Variants in TBCB observed in about 807,000 individuals in gnomAD.
The protein encoded by TBCB is tubulin folding cofactor B.
In TBCB, 18 loss-of-function variants were observed where a neutral mutation model predicts 29.2. That is an observed-to-expected ratio of 0.62 (90% confidence interval 0.43 to 0.91). The LOEUF (loss-of-function observed/expected upper bound fraction) is 0.91. TBCB is among the 40% of genes least tolerant of loss of function. TBCB has a pLI of 0.00. For missense variants in TBCB, 336 were observed against 337.6 expected (o/e 1.00, Z 0.04); for synonymous variants, 172 against 137.8 (o/e 1.25, Z -1.74).
intron 4 of TBCB, among the ~76,000 whole-genome samples, chr19:36,124,975 T>C (rs180995760): frequency 2.6e-5 from 4 of 151,016 alleles, no homozygotes; most frequent in Non-Finnish European, 4.4e-5. Flanking sequence ...TTGAGTTCCT[T>C]GTATATTCTT....
At position 36,121,654 on chromosome 19, in the gene TBCB, G is replaced by A. The variant is rs949428852; in HGVS notation, c.483G>A (p.Val161=). 15 of 1,562,742 alleles carry A rather than the reference G, an allele frequency of 9.6e-6. No individual in the cohort carries two copies. Among genetic ancestry groups the A allele is most frequent in the Non-Finnish European group, 1.3e-5 (15 of 1,155,128 alleles). ...EEKAQASSIP[V]GSRCEVRAAG... ...AGGCCCAGGCCAGCTCCATCCCCGT[G>A]GGCAGCCGCTGTGAGGTGCGGGCGG... is the stretch of plus-strand genomic sequence containing the variant. The change falls in exon 4 of 6, where the codon GTG becomes GTA. Residue 161 remains valine, a synonymous_variant. Coordinates refer to ENST00000221855, the MANE Select transcript of TBCB (RefSeq NM_001281.3).
chr19:36,123,257 T>C (rs918577763), intron 4 of TBCB, among the ~76,000 whole-genome samples: 17 of 103,614 alleles, frequency 1.6e-4, no homozygotes, highest in African/African-American at 3.4e-4. Flanking sequence ...CCTTCTTCTT[T>C]TTTTTTTTTT....
chr19:36,116,380 C>A, intron 2 of TBCB, 196 bp downstream of exon 2: 1 of 635,618 alleles, frequency 1.6e-6, no homozygotes, highest in Non-Finnish European at 2.5e-6. Context: ...ATCAGGAAAT[C>A]CCAGGGGACT....
At chr19:36,121,793 C>A in intron 4 of TBCB, 75 bp downstream of exon 4, 1 of 1,526,238 alleles carries the variant, frequency 6.6e-7, no homozygotes, top group Non-Finnish European at 8.9e-7. Flanking sequence ...CACAGTGGAG[C>A]CTCGGAGACC....
At chr19:36,124,298 G>A (rs1252006156) in intron 4 of TBCB, among the ~76,000 whole-genome samples, 4 of 152,110 alleles carry the variant, frequency 2.6e-5, no homozygotes, top group Non-Finnish European at 5.9e-5. Context: ...TCAGCTCACT[G>A]CATCCTCTGC....
At chr19:36,116,438 G>A in intron 2 of TBCB, 1 of 421,102 alleles carries the variant, frequency 2.4e-6, no homozygotes, top group Non-Finnish European at 4.3e-6. Context: ...GAATCAGAGA[G>A]GGCTTCCTGG....
rs764140794 is a variant in TBCB, at chr19:36,121,684, A to G, written c.513A>G (p.Gly171=). 6.4e-7 allele frequency: 1 copy of G among 1,559,178 alleles called. No homozygotes were observed. The highest frequency in any genetic ancestry group is 1.9e-5 in the Admixed American group (1 of 52,688). The part of the protein sequence containing the change: ...VGSRCEVRAA[G]QSPRRGTVMY... ...GCCGCTGTGAGGTGCGGGCGGCGGG[A>G]CAATCCCCTCGCCGGGGCACCGTCA... The change falls in exon 4 of 6, where the codon GGA becomes GGG. Residue 171 remains glycine, a synonymous_variant. Transcript: ENST00000221855.
chr19:36,122,085 C>T (rs1974064845), intron 4 of TBCB: 2 of 327,120 alleles, frequency 6.1e-6, no homozygotes, highest in Non-Finnish European at 1.2e-5. Flanking sequence ...AGAGGAAGCA[C>T]CTGGAGGCTG....
intron 4 of TBCB, among the ~76,000 whole-genome samples, chr19:36,123,346 A>C (rs1445247831): frequency 1.4e-5 from 2 of 147,730 alleles, no homozygotes; most frequent in African/African-American, 5.1e-5. Context: ...TTTCAGCCTT[A>C]ACCTCTTGGG....
In TBCB at chr19:36,120,344, C is replaced by T. The variant is rs1185387033; in HGVS notation, c.259-366C>T. On this transcript the variant is annotated intron_variant, in intron 2 of 5. Coordinates refer to ENST00000221855, the MANE Select transcript of TBCB (RefSeq NM_001281.3). The stretch of plus-strand genomic sequence containing the variant: ...ATGCTCTGGGGCCTGAGGTTGGGGC[C>T]AGCTTAGGAGAGTCCCAGAGGCCCA... 6 of 207,688 alleles carry T rather than the reference C, an allele frequency of 2.9e-5. No individual in the cohort carries two copies. The East Asian group carries it at 7.2e-4, about 25-fold the overall frequency. 12.9% of individuals were successfully genotyped at this position (207,688 alleles called of 1,614,324 possible).
upstream of TBCB, chr19:36,115,446 C>A: frequency 1.3e-6 from 1 of 766,336 alleles, no homozygotes; most frequent in Non-Finnish European, 2.1e-6. Context: ...GCGGATTGGT[C>A]AGGCACGGAG....
intron 4 of TBCB, among the ~76,000 whole-genome samples, chr19:36,122,968 C>T (rs527462711): frequency 2.0e-5 from 3 of 152,220 alleles, no homozygotes; most frequent in Admixed American, 2.0e-4. Flanking sequence ...GTGTACCCAT[C>T]CCCCAGTCGT....
chr19:36,122,944 G>A (rs924525673), intron 4 of TBCB, among the ~76,000 whole-genome samples: 6 of 152,144 alleles, frequency 3.9e-5, no homozygotes, highest in South Asian at 2.1e-4. Context: ...TGGTATTTCC[G>A]TCTTTATGCC....
intron 4 of TBCB, 91 bp downstream of exon 4, chr19:36,121,809 C>T (rs1780237590): frequency 1.3e-6 from 2 of 1,496,242 alleles, no homozygotes; most frequent in South Asian, 2.4e-5. Flanking sequence ...AGACCACGCT[C>T]TGCCTAGGGG....
At chr19:36,117,059 C>T (rs1270956292) in intron 2 of TBCB, among the ~76,000 whole-genome samples, 1 of 152,208 alleles carries the variant, frequency 6.6e-6, no homozygotes, top group East Asian at 1.9e-4. Flanking sequence ...CTCACCCTTC[C>T]TTCCTGTCTT....
chr19:36,115,986 G>A (rs1973945036), intron 1 of TBCB, 55 bp from the exon 2 acceptor site: 1 of 1,586,688 alleles, frequency 6.3e-7, no homozygotes, highest in South Asian at 1.1e-5. Context: ...GGTCATTGAT[G>A]CAAGGGGCGG....
At chr19:36,125,408 T>C in intron 4 of TBCB, 43 bp from the exon 5 acceptor site, 2 of 1,605,854 alleles carry the variant, frequency 1.2e-6, no homozygotes, top group Non-Finnish European at 1.7e-6. Context: ...GGGGATTTCT[T>C]CTATGTCCAG....
intron 4 of TBCB, among the ~76,000 whole-genome samples, 171 bp from the exon 5 acceptor site, chr19:36,125,280 C>T (rs796421045): frequency 7.2e-5 from 11 of 152,284 alleles, no homozygotes; most frequent in African/African-American, 1.7e-4. Flanking sequence ...ATATTAGTCC[C>T]GGCAGGAGCT....
upstream of TBCB, chr19:36,115,312 G>A: frequency 3.6e-6 from 2 of 553,510 alleles, no homozygotes. Flanking sequence ...GCCGCTATTG[G>A]AAGAACCGTG....
Sources: gnomAD v4.1 joint callset for allele counts (sites outside exome capture counted in the v4.1 genomes callset) on GRCh38, gnomAD v4.1.1 for gene constraint, MANE v1.5 for transcripts, NCBI Gene and HGNC (gene_info 2026-07-23, HGNC 2026-07-21) for gene names.